The following BMS1 variants were observed in gnomAD, a reference collection of about 807,000 sequenced individuals.
BMS1 encodes BMS1 ribosome biogenesis factor.
BMS1 carries 53 observed loss-of-function variants against 138.7 expected under a neutral mutation model. That is an observed-to-expected ratio of 0.38 (90% CI 0.31 to 0.48). The LOEUF (loss-of-function observed/expected upper bound fraction) is 0.48, where lower values mean the gene tolerates loss of function less well. Ranked by LOEUF, BMS1 falls within the 20% of genes least tolerant of loss-of-function variation. The pLI, the probability that BMS1 is intolerant of heterozygous loss-of-function variation, is 0.97. For synonymous variants in BMS1, 504 were observed against 539.9 expected, an observed-to-expected ratio of 0.93 and a Z score of 0.92; for missense variants, 1,360 against 1,565.5, an observed-to-expected ratio of 0.87 and a Z score of 2.22.
chr10:42,818,994 G>A (rs925384884), intron 15 of BMS1, among the ~76,000 whole-genome samples: 7 of 152,222 alleles, frequency 4.6e-5, no homozygotes, highest in African/African-American at 1.4e-4. Flanking sequence ...TCAGCGTGGA[G>A]GCCTTCAGCA....
chr10:42,799,173 G>C (rs1408046493), intron 12 of BMS1, among the ~76,000 whole-genome samples: 4 of 152,094 alleles, frequency 2.6e-5, no homozygotes, highest in African/African-American at 9.7e-5. Context: ...AGTGGCACAA[G>C]TGTATGGCTC....
At chr10:42,793,371 G>A (rs1383815672) in intron 8 of BMS1, among the ~76,000 whole-genome samples, 2 of 151,466 alleles carry the variant, frequency 1.3e-5, no homozygotes, top group Non-Finnish European at 2.9e-5. Flanking sequence ...TTGATCCATG[G>A]CCCCAGCACA....
Position 42,823,211 on chromosome 10 carries a change from C to T in BMS1, c.3226C>T (p.Arg1076Ter), listed in dbSNP as rs200996070. 2 of 1,606,054 alleles carry T rather than the reference C, an allele frequency of 1.2e-6. No homozygotes were observed. Among genetic ancestry groups the T allele is most frequent in the African/African-American group, 1.3e-5 (1 of 74,462 alleles). Residue 1076 changes from arginine (R) to a stop codon, truncating the protein, a stop_gained, in exon 20 of 23, where the codon CGA (arginine) becomes TGA (stop). Transcript: ENST00000374518. LOFTEE classifies it high-confidence loss of function. ...GIRGQIKKAL[R>*]APEGAFRASF... ...AAGGGGGCAGATCAAGAAAGCACTC[C>T]GAGCTCCAGAAGGAGCTTTCAGGGC...
chr10:42,785,662 G>A lies in BMS1; in HGVS notation c.357G>A (p.Thr119=), dbSNP rs758454532. 1.1e-5 allele frequency: 17 copies of A among 1,613,442 alleles called. No individual in the cohort carries two copies. The highest frequency in any genetic ancestry group is 4.4e-5 in the South Asian group (4 of 91,044). ...TGACTGAGATCAGAGGCCCTGTGAC[G>A]ATTGTGTCAGGTAGGAGATGCCACC... is the stretch of plus-strand genomic sequence containing the variant. The part of the protein sequence containing the change: ...QKLTEIRGPV[T]IVSGKKRRLT... Residue 119 remains threonine (T), a synonymous_variant, in exon 3 of 23, where the codon ACG becomes ACA. Coordinates refer to ENST00000374518, the MANE Select transcript of BMS1 (RefSeq NM_014753.4).
rs772273576 is a variant in BMS1, at chr10:42,817,475, A to C, written c.2561A>C (p.Glu854Ala). 6 of 1,602,710 alleles carry C rather than the reference A, an allele frequency of 3.7e-6. No individual in the cohort carries two copies. In the East Asian group the frequency reaches 1.1e-4, roughly 30 times the overall value. The change falls in exon 15 of 23, where the codon GAA (glutamate) becomes GCA (alanine). Residue 854 changes from glutamate to alanine, a missense_variant. Glu to Ala is a moderately radical substitution (Grantham distance 107). Coordinates refer to ENST00000374518, the MANE Select transcript of BMS1 (RefSeq NM_014753.4). ...ESTYFDDLKGEMQKQAQLNRA... is the reference protein window; with the variant it reads ...ESTYFDDLKGAMQKQAQLNRA... ...ACATATTTTGATGATCTTAAAGGAG[A>C]AATGCAGAAACAAGCACAGGTGAGA...
chr10:42,790,850 CAA>C (rs201953204), intron 5 of BMS1, among the ~76,000 whole-genome samples: 1 of 142,710 alleles, frequency 7.0e-6, no homozygotes. Flanking sequence ...ACGCTTGTCT[CAA>C]AAAAAAAAAA....
chr10:42,802,605 A>G (rs1589142982), intron 13 of BMS1, among the ~76,000 whole-genome samples: 1 of 152,196 alleles, frequency 6.6e-6, no homozygotes, highest in African/African-American at 2.4e-5. Context: ...ACCCATAAAA[A>G]AACCTTTGTT....
intron 11 of BMS1, 57 bp from the exon 12 acceptor site, chr10:42,798,411 G>T: frequency 6.2e-7 from 1 of 1,601,148 alleles, no homozygotes; most frequent in South Asian, 1.1e-5. Context: ...TGAAAATGAT[G>T]AGTCCTCTAG....
chr10:42,811,198 C>T (rs1842164842), intron 13 of BMS1, among the ~76,000 whole-genome samples: 1 of 151,908 alleles, frequency 6.6e-6, no homozygotes, highest in South Asian at 2.1e-4. Context: ...TGCACCCCCA[C>T]GCACAGCTAA....
rs953164322 is a variant in BMS1 at position 42,811,035 on chromosome 10, T to A, written c.2330-5564T>A. Among the ~76,000 whole-genome samples the A allele has an allele frequency of 1.2e-4, 16 of 134,498 alleles. No homozygotes were observed. The East Asian group carries it at 3.1e-3, about 26-fold the overall frequency. The allele number at this position is 134,498 out of a possible 152,430, so 88.2% of individuals were successfully genotyped here. ...TTCAATGTTATTGATTTCTGCCCTTTATTTATTATTATTATTTTTTTTTTG... is the reference window on the plus strand; with the variant it reads ...TTCAATGTTATTGATTTCTGCCCTTAATTTATTATTATTATTTTTTTTTTG... On this transcript the variant is annotated intron_variant, in intron 13 of 22. Coordinates refer to ENST00000374518, the MANE Select transcript of BMS1 (RefSeq NM_014753.4).
chr10:42,795,486 A>ATT (rs1271189743), intron 9 of BMS1, among the ~76,000 whole-genome samples: 3 of 140,554 alleles, frequency 2.1e-5, no homozygotes, highest in African/African-American at 5.2e-5. Context: ...CTCCTAGCTA[A>ATT]TTTTTTTTTT....
chr10:42,806,914 A>G (rs940978923), intron 13 of BMS1, among the ~76,000 whole-genome samples: 1 of 152,202 alleles, frequency 6.6e-6, no homozygotes, highest in African/African-American at 2.4e-5. Flanking sequence ...ATCTTGTACT[A>G]TAGCAGTATC....
chr10:42,814,604 T>TC (rs1380229134), intron 13 of BMS1, among the ~76,000 whole-genome samples: 1 of 152,220 alleles, frequency 6.6e-6, no homozygotes, highest in African/African-American at 2.4e-5. Context: ...TTGCAGGCAG[T>TC]CCTCCTATTT....
rs1588768438 is a variant in BMS1 at position 42,833,356 on chromosome 10, A to G, written c.*2260A>G. On this transcript the variant is annotated 3_prime_UTR_variant, in exon 23 of 23. Coordinates refer to ENST00000374518, the MANE Select transcript of BMS1 (RefSeq NM_014753.4). ...GAAGGTTCCACCTGGCCAGGTTAGT[A>G]AAATACAGTCACACATCAGTTAAGG... The G allele has an allele frequency of 6.6e-6, 1 of 152,254 alleles. No homozygotes were observed. Among genetic ancestry groups the G allele is most frequent in the East Asian group, 1.9e-4 (1 of 5,204 alleles). The allele number at this position is 152,254 out of a possible 1,614,324, so 9.4% of individuals were successfully genotyped here.
intron 11 of BMS1, 82 bp downstream of exon 11, chr10:42,797,605 G>A: frequency 1.5e-6 from 2 of 1,370,310 alleles, no homozygotes; most frequent in Non-Finnish European, 2.1e-6. Flanking sequence ...GGATTCGGCT[G>A]GTATTGTTGA....
chr10:42,793,544 A>T (rs1323461471), intron 8 of BMS1, among the ~76,000 whole-genome samples: 1 of 152,140 alleles, frequency 6.6e-6, no homozygotes, highest in Non-Finnish European at 1.5e-5. Context: ...GTGGAATTTT[A>T]TTGGGTTAAA....
chr10:42,819,785 CT>C (rs958051516), intron 15 of BMS1, among the ~76,000 whole-genome samples: 2 of 150,910 alleles, frequency 1.3e-5, no homozygotes, highest in Non-Finnish European at 3.0e-5. Flanking sequence ...ATATGTAGGT[CT>C]TTTTTTTTGG....
intron 15 of BMS1, among the ~76,000 whole-genome samples, chr10:42,820,028 G>A (rs551480512): frequency 1.6e-4 from 24 of 152,268 alleles, no homozygotes; most frequent in African/African-American, 4.6e-4. Context: ...CTGACCTCAT[G>A]TGATCTGCCC....
rs1841579542 is a variant in BMS1, at chr10:42,793,524, TTGTTC to T, written c.1090-325_1090-321del. ...AAGTGGATTTCAAATATTTATTTCT[TTGTTC>T]TGAAGTGGAATTTTATTGGGTTAAA... On this transcript the variant is annotated intron_variant, in intron 8 of 22. Coordinates refer to ENST00000374518, the MANE Select transcript of BMS1 (RefSeq NM_014753.4). Among the ~76,000 whole-genome samples the T allele has an allele frequency of 5.3e-5, 8 of 152,322 alleles. No homozygotes were observed. The South Asian group carries it at 1.7e-3, about 32-fold the overall frequency.
Sources: allele counts gnomAD v4.1 joint callset (sites outside exome capture counted in the v4.1 genomes callset), GRCh38; gene constraint gnomAD v4.1.1; transcripts MANE v1.5; gene names NCBI Gene and HGNC (gene_info 2026-07-23, HGNC 2026-07-21).